KNL1: variants seen among roughly 807,000 people sequenced by gnomAD.
The protein encoded by KNL1 is kinetochore scaffold 1.
Under a neutral mutation model 201.3 loss-of-function variants are expected in KNL1, and 66 were observed. That is an observed-to-expected ratio of 0.33 (90% CI 0.27 to 0.40). The LOEUF (loss-of-function observed/expected upper bound fraction) is 0.40, where lower values mean the gene tolerates loss of function less well. Ranked by LOEUF, KNL1 falls within the 10% of genes least tolerant of loss-of-function variation. The pLI is 1.00. For synonymous variants in KNL1, 895 were observed against 899.2 expected (o/e 1.00, Z 0.08); for missense variants, 2,815 against 2,690.5 (o/e 1.05, Z -1.02).
chr15:40,625,553 G>T lies in KNL1; in HGVS notation c.5289G>T (p.Thr1763=). The T allele has an allele frequency of 1.2e-6, 2 of 1,607,194 alleles. No individual in the cohort carries two copies. Among genetic ancestry groups the T allele is most frequent in the Non-Finnish European group, 8.5e-7 (1 of 1,178,258 alleles). The change falls in exon 10 of 26, where the codon ACG becomes ACT. Residue 1763 remains threonine, a synonymous_variant. Transcript: ENST00000399668. ...AAACTTGCAATAGCCAAAAAAGAAC[G>T]TGGGTACAAGAAGAAGAAGATATTC... ...MGKTCNSQKR[T]WVQEEEDIHK... is the part of the protein sequence containing the mutation.
chr15:40,657,847 C>A (rs1893778648), intron 24 of KNL1, among the ~76,000 whole-genome samples: 1 of 152,102 alleles, frequency 6.6e-6, no homozygotes, highest in South Asian at 2.1e-4. Flanking sequence ...CAAATAAGGT[C>A]ACTTTCTGAG....
At chr15:40,636,904 C>T (rs989955567) in intron 13 of KNL1, among the ~76,000 whole-genome samples, 2 of 152,116 alleles carry the variant, frequency 1.3e-5, no homozygotes, top group African/African-American at 4.8e-5. Context: ...AAGCAAATTC[C>T]AAGCATCATC....
chr15:40,661,486 A>ACT (rs1472581897), intron 25 of KNL1, among the ~76,000 whole-genome samples: 1 of 152,110 alleles, frequency 6.6e-6, no homozygotes, highest in Non-Finnish European at 1.5e-5. Flanking sequence ...ACAGAGCAAG[A>ACT]CTCTGGGGGT....
At chr15:40,638,239 G>A (rs1176318843) in intron 13 of KNL1, among the ~76,000 whole-genome samples, 5 of 89,172 alleles carry the variant, frequency 5.6e-5, no homozygotes, top group Non-Finnish European at 1.2e-4. Flanking sequence ...GAAGGGAGGG[G>A]AGGGGAAGGG....
chr15:40,661,839 G>A (rs528504081), intron 25 of KNL1, among the ~76,000 whole-genome samples: 6 of 152,036 alleles, frequency 3.9e-5, no homozygotes, highest in South Asian at 4.2e-4. Flanking sequence ...CCAGGAGATC[G>A]AGACCATCCT....
At chr15:40,605,183 G>C in intron 3 of KNL1, 34 bp downstream of exon 3, 2 of 1,215,924 alleles carry the variant, frequency 1.6e-6, no homozygotes, top group South Asian at 1.2e-5. Context: ...ATAATTGTCA[G>C]CTTTTATTTA....
intron 21 of KNL1, among the ~76,000 whole-genome samples, chr15:40,652,525 T>G (rs1485004541): frequency 6.6e-6 from 1 of 150,574 alleles, no homozygotes; most frequent in Non-Finnish European, 1.5e-5. Context: ...CTCCCAACAC[T>G]TTGGGAGGCT....
In KNL1 at chr15:40,623,336, T is replaced by C. The variant is rs749168700; in HGVS notation, c.3072T>C (p.Asn1024=). 6.2e-6 allele frequency: 10 copies of C among 1,613,820 alleles called. No homozygotes were observed. The highest frequency in any genetic ancestry group is 7.6e-6 in the Non-Finnish European group (9 of 1,179,896). ...QLTPLEEWSN[N]RGPVEVADNM... is the part of the protein sequence containing the mutation. Reference sequence around the variant, plus strand: ...CCCCTCTGGAGGAATGGTCTAATAATAGGGGCCCTGTAGAGGTAGCTGATA... The same window carrying C: ...CCCCTCTGGAGGAATGGTCTAATAACAGGGGCCCTGTAGAGGTAGCTGATA... The change falls in exon 10 of 26, where the codon AAT becomes AAC. Residue 1024 remains asparagine, a synonymous_variant. Transcript: ENST00000399668.
At chr15:40,615,537 GGCAGGCAGATCAC>G (rs1172317684) in intron 8 of KNL1, 159 bp downstream of exon 8, 16 of 255,456 alleles carry the variant, frequency 6.3e-5, no homozygotes, top group Non-Finnish European at 9.5e-5. Flanking sequence ...GGCAGGCTGA[GGCAGGCAGATCAC>G]GAGGTCGGGA....
chr15:40,606,337 C>G, intron 3 of KNL1, 56 bp from the exon 4 acceptor site: 2 of 1,053,478 alleles, frequency 1.9e-6, no homozygotes, highest in Non-Finnish European at 2.9e-6. Context: ...TTGAAATAAA[C>G]TGATTCTTAA....
chr15:40,652,025 T>C lies in KNL1; in HGVS notation c.6335T>C (p.Val2112Ala). 2 of 1,613,276 alleles carry C rather than the reference T, an allele frequency of 1.2e-6. No individual in the cohort carries two copies. Among genetic ancestry groups the C allele is most frequent in the South Asian group, 2.2e-5 (2 of 91,034 alleles). Residue 2112 changes from valine to alanine, a missense_variant, in exon 21 of 26, where the codon GTT becomes GCT. By Grantham distance (64) the Val-to-Ala change is moderately conservative (BLOSUM62 0). This residue lies in a region of KNL1 where 334 missense variants were observed against 362.6 expected (regional missense o/e 0.92). Coordinates refer to ENST00000399668, the MANE Select transcript of KNL1 (RefSeq NM_144508.5). ...TACAGCTTGTCTGAGTGGGATGTCG[T>C]TGAGTGGAGTGATGATCAAGCTGTA... ...DQLSLSEWDV[V>A]EWSDDQAVFT...
intron 4 of KNL1, among the ~76,000 whole-genome samples, chr15:40,607,903 T>C (rs959786352): frequency 1.3e-5 from 2 of 151,782 alleles, no homozygotes; most frequent in South Asian, 2.1e-4. Context: ...CCTCAAAAAA[T>C]TGAAAATAGA....
chr15:40,604,080 C>T (rs1275312506), intron 2 of KNL1, among the ~76,000 whole-genome samples: 1 of 151,950 alleles, frequency 6.6e-6, no homozygotes, highest in Non-Finnish European at 1.5e-5. Flanking sequence ...CCTGTGGAGT[C>T]AAGTTCTGCC....
rs375956837 is a variant in KNL1, at chr15:40,657,095, G to A, written c.6538G>A (p.Val2180Ile). The A allele has an allele frequency of 2.9e-5, 46 of 1,608,340 alleles. No homozygotes were observed. Among genetic ancestry groups the A allele is most frequent in the Middle Eastern group, 1.6e-4 (1 of 6,064 alleles). Residue 2180 changes from valine to isoleucine, a missense_variant, in exon 23 of 26, where the codon GTT (valine) becomes ATT (isoleucine). Val to Ile is a conservative substitution (Grantham distance 29). This residue lies in a region of KNL1 where 334 missense variants were observed against 362.6 expected (regional missense o/e 0.92). Transcript: ENST00000399668. ...LLVHKLIFQY[V>I]EEKESWKKTC... ...AGTTCATAAGCTTATTTTCCAGTAC[G>A]TTGAAGAAAAGGAATCCTGGAAGAA...
chr15:40,608,521 C>G (rs8038416), intron 4 of KNL1, among the ~76,000 whole-genome samples: 129,328 of 151,190 alleles, frequency 0.86, 56,101 homozygotes, highest in African/African-American at 0.94. Flanking sequence ...CGAGGTGGGC[C>G]GATCACCTGA....
chr15:40,598,809 T>A lies in KNL1; in HGVS notation c.-17-4106T>A, dbSNP rs144942226. Among the ~76,000 whole-genome samples, 34 of 152,246 alleles carry A rather than the reference T, an allele frequency of 2.2e-4. No individual in the cohort carries two copies. The East Asian group carries it at 4.8e-3, about 22-fold the overall frequency. ...TTGCTGTATTAAAAAGAAATTTTTT[T>A]AAATTTGTTTTCGAGACAGGGTCTA... On this transcript the variant is annotated intron_variant, in intron 1 of 25. Coordinates refer to ENST00000399668, the MANE Select transcript of KNL1 (RefSeq NM_144508.5).
At chr15:40,656,105 A>G (rs1047187941) in intron 22 of KNL1, among the ~76,000 whole-genome samples, 5 of 152,064 alleles carry the variant, frequency 3.3e-5, no homozygotes, top group Non-Finnish European at 5.9e-5. Flanking sequence ...AAAAAACTTA[A>G]GTATTGTGTC....
chr15:40,600,853 C>CT (rs1891769572), intron 1 of KNL1, among the ~76,000 whole-genome samples: 1 of 152,168 alleles, frequency 6.6e-6, no homozygotes, highest in Non-Finnish European at 1.5e-5. Flanking sequence ...CGTTATGCCT[C>CT]TAAGTTCATA....
intron 14 of KNL1, among the ~76,000 whole-genome samples, chr15:40,644,146 C>T (rs1395721572): frequency 6.6e-6 from 1 of 152,202 alleles, no homozygotes; most frequent in Non-Finnish European, 1.5e-5. Flanking sequence ...TTATTATCTT[C>T]ATTATTTCAG....
Sources: gnomAD v4.1 joint callset for allele counts (sites outside exome capture counted in the v4.1 genomes callset) on GRCh38, gnomAD v4.1.1 for gene constraint, gnomAD v4.1.1 regional missense constraint, MANE v1.5 for transcripts, NCBI Gene and HGNC (gene_info 2026-07-23, HGNC 2026-07-21) for gene names.